Variants in SPRY3 observed in about 807,000 individuals in gnomAD.
SPRY3 encodes the protein sprouty RTK signaling antagonist 3, also known as protein sprouty homolog 3.
Under a neutral mutation model 20.2 loss-of-function variants are expected in SPRY3, and 15 were observed. That is an observed-to-expected ratio of 0.74 (90% CI 0.50 to 1.14). The LOEUF (loss-of-function observed/expected upper bound fraction) is 1.14, where lower values mean the gene tolerates loss of function less well. Ranked by LOEUF, SPRY3 falls within the 50% of genes most tolerant of loss-of-function variation. The pLI is 0.00. For synonymous variants in SPRY3, 143 were observed against 136.5 expected, an observed-to-expected ratio of 1.05 and a Z score of -0.33; for missense variants, 364 against 363.9, an observed-to-expected ratio of 1.00 and a Z score of 0.00.
At chrX:155,734,221 A>G (rs2091153259) in intron 2 of SPRY3, among the ~76,000 whole-genome samples, 1 of 152,080 alleles carries the variant, frequency 6.6e-6, no homozygotes, top group African/African-American at 2.4e-5. Context: ...AAGGAGAGAC[A>G]TGTAACTTTT....
intron 2 of SPRY3, among the ~76,000 whole-genome samples, chrX:155,765,605 T>C (rs2091323013): frequency 6.6e-6 from 1 of 152,166 alleles, no homozygotes; most frequent in African/African-American, 2.4e-5. Context: ...AATGAATGAA[T>C]GATCATCAAT....
At chrX:155,772,544 C>T (rs190409507) in intron 3 of SPRY3, among the ~76,000 whole-genome samples, 7 of 152,186 alleles carry the variant, frequency 4.6e-5, no homozygotes, top group Non-Finnish European at 8.8e-5. Context: ...TGTTTTGCTA[C>T]GTCCTAATGC....
chrX:155,773,849 CAG>C lies in SPRY3; in HGVS notation c.-20_-19del. The stretch of plus-strand genomic sequence containing the variant: ...AGTGCCACCCTGACTTAAAACCACT[CAG>C]AGCTAAAAAATCAAGGCAAAATGGA... On this transcript the variant is annotated 5_prime_UTR_variant, in exon 4 of 4. The change creates a premature stop within an existing upstream ORF in the 5' untranslated region. Transcript: ENST00000675360. 6.2e-7 allele frequency: 1 copy of C among 1,604,588 alleles called. No individual in the cohort carries two copies. The highest frequency in any genetic ancestry group is 8.5e-7 in the Non-Finnish European group (1 of 1,174,762).
Position 155,691,768 on chromosome X carries a change from T to A in SPRY3, c.-282+34743T>A, listed in dbSNP as rs1302198804. Among the ~76,000 whole-genome samples the A allele has an allele frequency of 4.5e-5, 4 of 88,036 alleles. 1 individual carries two copies. The highest frequency in any genetic ancestry group is 2.2e-4 in the African/African-American group (4 of 18,391). 76.4% of individuals were successfully genotyped at this position (88,036 alleles called of 115,157 possible). A position where few individuals can be genotyped will look rare whatever the true frequency, so the allele number is the denominator to read the frequency against. On this transcript the variant is annotated intron_variant, in intron 2 of 3. Transcript: ENST00000675360. ...TGGGATATCCATCGCCTCAACCATT[T>A]ATTATTTCTTCATCTTAGGAACATT...
chrX:155,704,412 G>A (rs1023871007), intron 2 of SPRY3, among the ~76,000 whole-genome samples: 1 of 151,634 alleles, frequency 6.6e-6, no homozygotes, highest in African/African-American at 2.4e-5. Context: ...CACCTCTGAG[G>A]ACAAAATCCA....
intron 1 of SPRY3, among the ~76,000 whole-genome samples, chrX:155,623,991 T>A (rs1367369712): frequency 8.9e-6 from 1 of 112,348 alleles, no homozygotes; most frequent in Non-Finnish European, 1.9e-5. Context: ...AGATAGTGAA[T>A]GTAAAGCACC....
chrX:155,639,121 C>A lies in SPRY3; in HGVS notation c.-440-17746C>A, dbSNP rs148949918. Among the ~76,000 whole-genome samples, 774 of 112,079 alleles carry A rather than the reference C, an allele frequency of 6.9e-3. 6 individuals are homozygous for A. The highest frequency in any genetic ancestry group is 0.024 in the African/African-American group (733 of 30,883). The stretch of plus-strand genomic sequence containing the variant: ...TATATTACCCTTTGCGTTTCCTCTA[C>A]AATATATCCATACATTTATAAATAC... On this transcript the variant is annotated intron_variant, in intron 1 of 3. Transcript: ENST00000675360.
intron 3 of SPRY3, among the ~76,000 whole-genome samples, chrX:155,768,885 C>T (rs1365534647): frequency 6.6e-6 from 1 of 152,182 alleles, no homozygotes; most frequent in Non-Finnish European, 1.5e-5. Flanking sequence ...TGCTGCAAAC[C>T]AAGTTGGATG....
chrX:155,704,906 T>C (rs1324423810), intron 2 of SPRY3, among the ~76,000 whole-genome samples: 1 of 151,426 alleles, frequency 6.6e-6, no homozygotes, highest in African/African-American at 2.4e-5. Flanking sequence ...GGATTCTATA[T>C]CCAGAAAAAA....
chrX:155,619,692 C>G (rs782112837), intron 1 of SPRY3, among the ~76,000 whole-genome samples: 2 of 111,340 alleles, frequency 1.8e-5, no homozygotes, highest in African/African-American at 6.5e-5. Flanking sequence ...AAGTGATAAA[C>G]TTCATTAACA....
chrX:155,680,716 A>G (rs2068072064), intron 2 of SPRY3, among the ~76,000 whole-genome samples: 1 of 111,778 alleles, frequency 8.9e-6, no homozygotes, highest in Admixed American at 9.5e-5. Flanking sequence ...TTACAAATTG[A>G]AGGTTTGTGG....
chrX:155,691,930 T>C (rs2068102784), intron 2 of SPRY3, among the ~76,000 whole-genome samples: 1 of 87,417 alleles, frequency 1.1e-5, no homozygotes. Context: ...CTTACTGTGT[T>C]GCCCAGGCTA....
intron 2 of SPRY3, among the ~76,000 whole-genome samples, chrX:155,660,058 C>G (rs1557353511): frequency 9.0e-6 from 1 of 111,149 alleles, no homozygotes; most frequent in Admixed American, 9.5e-5. Flanking sequence ...TATTTCTTTT[C>G]TTCTGCTAGC....
At chrX:155,716,908 C>T (rs776157272) in intron 2 of SPRY3, among the ~76,000 whole-genome samples, 5 of 147,302 alleles carry the variant, frequency 3.4e-5, no homozygotes, top group South Asian at 2.2e-4. Context: ...CTGAGGCGGG[C>T]GGATTGCCTG....
chrX:155,668,585 T>G (rs1557354502), intron 2 of SPRY3, among the ~76,000 whole-genome samples: 1 of 110,699 alleles, frequency 9.0e-6, no homozygotes, highest in African/African-American at 3.3e-5. Flanking sequence ...ATATCTTAAT[T>G]AAAAAATTTT....
At chrX:155,757,008 C>A (rs1208211025) in intron 2 of SPRY3, among the ~76,000 whole-genome samples, 1 of 152,126 alleles carries the variant, frequency 6.6e-6, no homozygotes, top group African/African-American at 2.4e-5. Context: ...CCAACATAAA[C>A]CCCTCTTCTG....
At chrX:155,767,083 T>A (rs1257168574) in intron 2 of SPRY3, among the ~76,000 whole-genome samples, 1 of 152,124 alleles carries the variant, frequency 6.6e-6, no homozygotes, top group East Asian at 1.9e-4. Context: ...CACGTTCCTT[T>A]AAATTTTGTT....
intron 2 of SPRY3, among the ~76,000 whole-genome samples, chrX:155,720,257 CTG>C (rs1602962175): frequency 1.3e-5 from 2 of 152,246 alleles, no homozygotes; most frequent in Non-Finnish European, 1.5e-5. Flanking sequence ...GTCTAGTTGA[CTG>C]TGTACAGCTC....
At chrX:155,613,420 C>G (rs782798730) in intron 1 of SPRY3, among the ~76,000 whole-genome samples, 1 of 111,086 alleles carries the variant, frequency 9.0e-6, no homozygotes, top group South Asian at 3.8e-4. Flanking sequence ...AAGAACGATA[C>G]ATATTACAAA....
Sources: gnomAD v4.1 joint callset for allele counts (sites outside exome capture counted in the v4.1 genomes callset) on GRCh38, gnomAD v4.1.1 for gene constraint, MANE v1.5 for transcripts, NCBI Gene and HGNC (gene_info 2026-07-23, HGNC 2026-07-21) for gene names.